The following INSC variants were observed in gnomAD, a reference collection of about 807,000 sequenced individuals.
INSC encodes protein inscuteable homolog.
In INSC, 67 loss-of-function variants were observed where a neutral mutation model predicts 58.6. The observed-to-expected ratio is 1.14, with a 90% CI of 0.94 to 1.40. The LOEUF is 1.40. INSC is among the 40% of genes most tolerant of loss of function. The pLI, the probability that INSC is intolerant of heterozygous loss-of-function variation, is 0.00. For missense variants in INSC, 714 were observed against 692.0 expected (o/e 1.03, Z -0.36); for synonymous variants, 262 against 276.1 (o/e 0.95, Z 0.51).
At chr11:15,159,362 T>C (rs1196076564) in intron 2 of INSC, among the ~76,000 whole-genome samples, 1 of 152,176 alleles carries the variant, frequency 6.6e-6, no homozygotes, top group East Asian at 1.9e-4. Context: ...ATCAGGATGG[T>C]AATGGGCACA....
At chr11:15,138,382 A>G (rs1020579711) in intron 1 of INSC, among the ~76,000 whole-genome samples, 1 of 152,224 alleles carries the variant, frequency 6.6e-6, no homozygotes, top group Non-Finnish European at 1.5e-5. Flanking sequence ...TGTAAAAAAA[A>G]GAAAATAAAA....
chr11:15,240,363 G>A (rs922966771), intron 11 of INSC, 84 bp from the exon 12 acceptor site: 7 of 1,150,696 alleles, frequency 6.1e-6, no homozygotes, highest in Admixed American at 3.7e-5. Context: ...GGCAGATTGG[G>A]TGTGCAAGGG....
chr11:15,114,813 A>C (rs963856503), upstream of INSC: 1 of 351,846 alleles, frequency 2.8e-6, no homozygotes, highest in Non-Finnish European at 3.7e-6. Flanking sequence ...CTGCTGTGGA[A>C]GGTCCTTGGG....
chr11:15,205,667 G>A (rs1338908851), intron 7 of INSC, among the ~76,000 whole-genome samples: 1 of 152,132 alleles, frequency 6.6e-6, no homozygotes, highest in African/African-American at 2.4e-5. Context: ...TGGAGAAGTT[G>A]GGTGGTCCAG....
intron 1 of INSC, among the ~76,000 whole-genome samples, chr11:15,145,243 A>G (rs1848463708): frequency 6.6e-6 from 1 of 152,222 alleles, no homozygotes; most frequent in African/African-American, 2.4e-5. Flanking sequence ...GGTATAATTG[A>G]GGAAACCACA....
chr11:15,170,272 T>C (rs1254745953), intron 2 of INSC, among the ~76,000 whole-genome samples: 1 of 152,216 alleles, frequency 6.6e-6, no homozygotes, highest in Non-Finnish European at 1.5e-5. Context: ...TTCACTAGTT[T>C]TTTTTTCATG....
chr11:15,173,617 T>TGC (rs1293052705), intron 2 of INSC, among the ~76,000 whole-genome samples: 1 of 152,148 alleles, frequency 6.6e-6, no homozygotes, highest in African/African-American at 2.4e-5. Flanking sequence ...TACATATACA[T>TGC]ATATGTATGT....
chr11:15,240,600 C>A, intron 12 of INSC, 77 bp downstream of exon 12: 2 of 1,211,188 alleles, frequency 1.7e-6, no homozygotes, highest in Middle Eastern at 1.9e-4. Context: ...ACCGGCTGTG[C>A]TGTGGCTGGC....
intron 7 of INSC, among the ~76,000 whole-genome samples, chr11:15,202,519 C>T (rs1046739700): frequency 6.6e-6 from 1 of 152,122 alleles, no homozygotes; most frequent in African/African-American, 2.4e-5. Flanking sequence ...AGACAGTGGA[C>T]TTGATAAAGG....
chr11:15,262,999 C>A, the INSC span, among the ~76,000 whole-genome samples: 10 of 151,852 alleles, frequency 6.6e-5, no homozygotes, highest in Admixed American at 3.9e-4. Flanking sequence ...TTGCAAAGGG[C>A]AAAACTATTA....
the INSC span, among the ~76,000 whole-genome samples, chr11:15,256,741 G>C: frequency 6.6e-6 from 1 of 152,184 alleles, no homozygotes; most frequent in East Asian, 1.9e-4. Flanking sequence ...ACCCACTTCG[G>C]CCTCTCAAAG....
chr11:15,267,779 C>A, the INSC span, among the ~76,000 whole-genome samples: 1 of 151,946 alleles, frequency 6.6e-6, no homozygotes, highest in East Asian at 1.9e-4. Context: ...GTTCTAGTTT[C>A]ATGCTTCTTT....
At chr11:15,178,539 A>G in intron 5 of INSC, 92 bp downstream of exon 5, 1 of 1,410,034 alleles carries the variant, frequency 7.1e-7, no homozygotes, top group Non-Finnish European at 9.5e-7. Flanking sequence ...TGGGGAAGCT[A>G]CTGATGTGGA....
At chr11:15,171,558 C>T (rs566801797) in intron 2 of INSC, among the ~76,000 whole-genome samples, 1 of 152,276 alleles carries the variant, frequency 6.6e-6, no homozygotes, top group South Asian at 2.1e-4. Context: ...AAGTCCAAAC[C>T]CTACCCAGGA....
Position 15,245,908 on chromosome 11 carries a change from C to A in INSC, c.1471-4C>A. 6.2e-7 allele frequency: 1 copy of A among 1,613,808 alleles called. No homozygotes were observed. Among genetic ancestry groups the A allele is most frequent in the South Asian group, 1.1e-5 (1 of 91,054 alleles). On this transcript the variant is annotated splice_polypyrimidine_tract_variant and splice_region_variant and intron_variant, in intron 12 of 12. Coordinates refer to ENST00000379556, the MANE Select transcript of INSC (RefSeq NM_001042536.3). ...ACGTGTCACCTCTTCTGTCTTCTCC[C>A]CAGGCTGCTCTGCGTAGATTGGCTG...
the INSC span, among the ~76,000 whole-genome samples, chr11:15,266,216 C>A: frequency 6.6e-6 from 1 of 151,186 alleles, no homozygotes; most frequent in African/African-American, 2.4e-5. Context: ...AAATAAAGAC[C>A]TTTCTAGAAT....
downstream of INSC, among the ~76,000 whole-genome samples, chr11:15,248,585 A>C (rs1474391358): frequency 6.6e-6 from 1 of 152,228 alleles, no homozygotes; most frequent in African/African-American, 2.4e-5. Flanking sequence ...TCCCCAAAGC[A>C]TACAGAATGA....
chr11:15,235,513 C>A, intron 9 of INSC, 89 bp from the exon 10 acceptor site: 2 of 982,722 alleles, frequency 2.0e-6, no homozygotes, highest in Non-Finnish European at 3.3e-6. Flanking sequence ...TAAAAGGAAG[C>A]TTTGTAGCCC....
At chr11:15,133,656 C>G (rs894089576) in intron 1 of INSC, among the ~76,000 whole-genome samples, 1 of 152,206 alleles carries the variant, frequency 6.6e-6, no homozygotes, top group African/African-American at 2.4e-5. Flanking sequence ...GCCCTGTACA[C>G]ATAGGAAACA....
Sources: gnomAD v4.1 joint callset for allele counts (sites outside exome capture counted in the v4.1 genomes callset) on GRCh38, gnomAD v4.1.1 for gene constraint, MANE v1.5 for transcripts, NCBI Gene and HGNC (gene_info 2026-07-23, HGNC 2026-07-21) for gene names.